Variants in EGFLAM observed in about 807,000 individuals in gnomAD.
EGFLAM encodes EGF like, fibronectin type III and laminin G domains, also known as pikachurin.
A neutral mutation model predicts 113.1 loss-of-function variants in EGFLAM; 79 were observed. That is an observed-to-expected ratio of 0.70 (90% CI 0.58 to 0.84). EGFLAM has a LOEUF of 0.84. EGFLAM is among the 40% of genes least tolerant of loss of function. The probability of loss-of-function intolerance (pLI) is 0.00; values close to 1 mark genes in which losing one functional copy is unlikely to be tolerated. For missense variants in EGFLAM, 1,265 were observed against 1,291.6 expected (o/e 0.98, Z 0.32); for synonymous variants, 504 against 487.6 (o/e 1.03, Z -0.44).
chr5:38,320,253 G>A (rs572113478), intron 1 of EGFLAM, among the ~76,000 whole-genome samples: 1 of 152,312 alleles, frequency 6.6e-6, no homozygotes, highest in Admixed American at 6.5e-5. Flanking sequence ...ACTGGTTCAA[G>A]AGGCAGCAGT....
chr5:38,398,883 G>A (rs1200338687), intron 6 of EGFLAM, among the ~76,000 whole-genome samples: 1 of 152,226 alleles, frequency 6.6e-6, no homozygotes, highest in Admixed American at 6.5e-5. Flanking sequence ...TTATTCTGGT[G>A]GGTATTAGGG....
intron 17 of EGFLAM, chr5:38,445,478 A>G (rs1742676121): frequency 7.6e-6 from 11 of 1,443,478 alleles, no homozygotes; most frequent in Admixed American, 4.7e-5. Flanking sequence ...CTGGGTGCCA[A>G]TCATGCTGAG....
chr5:38,268,109 C>T (rs1366260), intron 1 of EGFLAM, among the ~76,000 whole-genome samples: 27,048 of 152,044 alleles, frequency 0.18, 2,549 homozygotes, highest in Non-Finnish European at 0.2. Context: ...GTTGATTTTT[C>T]CATTAGAATA....
rs575336554 is a variant in EGFLAM, at chr5:38,263,256, G to A, written c.97+4405G>A. On this transcript the variant is annotated intron_variant, in intron 1 of 21. Coordinates refer to ENST00000322350, the MANE Select transcript of EGFLAM (RefSeq NM_152403.4). ...GTGGGCAGATCACTTGAAGCCAGGC[G>A]TTTGAGACCAGCCTGGCCAACATGG... Among the ~76,000 whole-genome samples the A allele has an allele frequency of 1.9e-4, 29 of 152,304 alleles. No homozygotes were observed. In the East Asian group the frequency reaches 3.7e-3, roughly 19 times the overall value.
chr5:38,424,853 A>T, intron 12 of EGFLAM, 114 bp from the exon 13 acceptor site: 1 of 1,392,028 alleles, frequency 7.2e-7, no homozygotes, highest in Non-Finnish European at 9.7e-7. Context: ...AATCAACAGG[A>T]GTAAGAACTG....
intron 6 of EGFLAM, among the ~76,000 whole-genome samples, chr5:38,395,009 C>T (rs549632241): frequency 6.6e-6 from 1 of 151,950 alleles, no homozygotes; most frequent in Admixed American, 6.5e-5. Flanking sequence ...GGCACGATCT[C>T]GGCTCACTAC....
At chr5:38,463,122 A>T in intron 21 of EGFLAM, 111 bp downstream of exon 21, 1 of 1,020,032 alleles carries the variant, frequency 9.8e-7, no homozygotes, top group Non-Finnish European at 1.4e-6. Context: ...CCTGTAAATC[A>T]GGAAGCCCTC....
chr5:38,410,683 T>C (rs1741450259), intron 10 of EGFLAM, among the ~76,000 whole-genome samples: 1 of 152,100 alleles, frequency 6.6e-6, no homozygotes, highest in Non-Finnish European at 1.5e-5. Context: ...TCCTGGGCCA[T>C]AGGGAGGTTG....
intron 14 of EGFLAM, chr5:38,430,054 GGCAATCTGACGT>G (rs1742140796): frequency 4.4e-6 from 1 of 227,066 alleles, no homozygotes; most frequent in African/African-American, 2.3e-5. Context: ...TGGCTGTAGG[GGCAATCTGACGT>G]GCCATCATCA....
chr5:38,264,177 G>A lies in EGFLAM; in HGVS notation c.97+5326G>A, dbSNP rs552388636. 3.3e-5 allele frequency among the ~76,000 whole-genome samples: 5 copies of A among 152,208 alleles called. No individual in the cohort carries two copies. In the East Asian group the frequency reaches 9.7e-4, roughly 29 times the overall value. On this transcript the variant is annotated intron_variant, in intron 1 of 21. Transcript: ENST00000322350. ...ATTTATTAACTCTCTGGCACTAGGG[G>A]GGCTGGAGAACTGCACATGGGTCCT...
At chr5:38,297,206 A>G (rs1427861733) in intron 1 of EGFLAM, among the ~76,000 whole-genome samples, 1 of 152,212 alleles carries the variant, frequency 6.6e-6, no homozygotes, top group Non-Finnish European at 1.5e-5. Context: ...ATGGTTATGT[A>G]AGATTTAACA....
At chr5:38,407,192 T>C (rs746624053) in intron 8 of EGFLAM, 46 bp downstream of exon 8, 6 of 1,589,320 alleles carry the variant, frequency 3.8e-6, no homozygotes, top group Admixed American at 3.4e-5. Context: ...ATTGGCACCA[T>C]TGACAGCCAG....
chr5:38,425,548 G>A (rs1176242548), intron 13 of EGFLAM, among the ~76,000 whole-genome samples: 7 of 152,132 alleles, frequency 4.6e-5, no homozygotes, highest in Non-Finnish European at 7.4e-5. Context: ...AGAGATGGGG[G>A]AAACTTTTTA....
chr5:38,428,732 T>C (rs1208954508), intron 14 of EGFLAM, among the ~76,000 whole-genome samples: 1 of 152,220 alleles, frequency 6.6e-6, no homozygotes, highest in East Asian at 1.9e-4. Flanking sequence ...CACAAGCACA[T>C]GGAACCCTTA....
chr5:38,424,923 G>T (rs1196886135), intron 12 of EGFLAM, 44 bp from the exon 13 acceptor site: 2 of 1,606,180 alleles, frequency 1.2e-6, no homozygotes, highest in South Asian at 1.1e-5. Flanking sequence ...TGTTGGACTG[G>T]CACACATGGA....
intron 1 of EGFLAM, among the ~76,000 whole-genome samples, chr5:38,331,194 C>T (rs930950654): frequency 6.6e-6 from 1 of 152,178 alleles, no homozygotes; most frequent in Non-Finnish European, 1.5e-5. Flanking sequence ...ACTCCCCCGT[C>T]ATCAGCATCC....
intron 1 of EGFLAM, among the ~76,000 whole-genome samples, chr5:38,320,481 T>C (rs1738710295): frequency 6.6e-6 from 1 of 152,178 alleles, no homozygotes; most frequent in Admixed American, 6.5e-5. Flanking sequence ...TTCAGATGCT[T>C]TTGTCAGGTT....
rs1388198075 is a variant in EGFLAM at position 38,438,390 on chromosome 5, G to A, written c.2399G>A (p.Arg800Gln). Residue 800 changes from arginine to glutamine, a missense_variant, in exon 17 of 22, where the codon CGG becomes CAG. Coordinates refer to ENST00000322350, the MANE Select transcript of EGFLAM (RefSeq NM_152403.4). ...CCTTGTGCCCATGGGGGCAGCTGCC[G>A]GCCCAGGAAGGAGGGCTATGACTGT... ...RAPCAHGGSCRPRKEGYDCDC... is the reference protein window; with the variant it reads ...RAPCAHGGSCQPRKEGYDCDC... 15 of 1,613,824 alleles carry A rather than the reference G, an allele frequency of 9.3e-6. No individual in the cohort carries two copies. Among genetic ancestry groups the A allele is most frequent in the Admixed American group, 1.7e-5 (1 of 59,978 alleles).
chr5:38,299,508 G>C (rs1758522433), intron 1 of EGFLAM, among the ~76,000 whole-genome samples: 1 of 152,166 alleles, frequency 6.6e-6, no homozygotes, highest in African/African-American at 2.4e-5. Context: ...AGGTGTTTGG[G>C]TCATGGGGGC....
Sources: allele counts gnomAD v4.1 joint callset (sites outside exome capture counted in the v4.1 genomes callset), GRCh38; gene constraint gnomAD v4.1.1; transcripts MANE v1.5; gene names NCBI Gene and HGNC (gene_info 2026-07-23, HGNC 2026-07-21).